Variants in SLC14A2 observed in about 807,000 individuals in gnomAD.
SLC14A2 encodes urea transporter 2.
A neutral mutation model predicts 104.6 loss-of-function variants in SLC14A2; 91 were observed. The ratio of observed to expected loss-of-function variants is 0.87; its 90% confidence interval spans 0.73 to 1.04. The LOEUF is 1.04. SLC14A2 is among the 50% of genes least tolerant of loss of function. SLC14A2 has a pLI of 0.00. For missense variants in SLC14A2, 1,189 were observed against 1,156.0 expected (o/e 1.03, Z -0.41); for synonymous variants, 476 against 466.4 (o/e 1.02, Z -0.27).
intron 1 of SLC14A2, among the ~76,000 whole-genome samples, chr18:45,454,818 G>A (rs1008093889): frequency 6.6e-6 from 1 of 152,158 alleles, no homozygotes; most frequent in African/African-American, 2.4e-5. Flanking sequence ...GGTTATAGAT[G>A]TGTGGCGTTA....
chr18:45,641,110 C>T, intron 7 of SLC14A2, 99 bp from the exon 8 acceptor site: 1 of 1,319,990 alleles, frequency 7.6e-7, no homozygotes, highest in Non-Finnish European at 1.1e-6. Context: ...GTGGGGTGAA[C>T]AACAGCATGG....
At chr18:45,671,104 G>A (rs964650879) in intron 16 of SLC14A2, among the ~76,000 whole-genome samples, 5 of 152,136 alleles carry the variant, frequency 3.3e-5, no homozygotes, top group African/African-American at 1.2e-4. Flanking sequence ...ATATCTTTTG[G>A]AGACAAACTT....
intron 1 of SLC14A2, among the ~76,000 whole-genome samples, chr18:45,351,478 C>T (rs990183101): frequency 1.3e-5 from 2 of 152,150 alleles, no homozygotes; most frequent in African/African-American, 4.8e-5. Flanking sequence ...CCTGAGCCCC[C>T]CAAGTAGCTG....
chr18:45,292,585 C>T (rs1189123501), intron 1 of SLC14A2, among the ~76,000 whole-genome samples: 1 of 152,164 alleles, frequency 6.6e-6, no homozygotes, highest in Admixed American at 6.5e-5. Context: ...GTACCCAGAC[C>T]AGATGAATCT....
intron 2 of SLC14A2, among the ~76,000 whole-genome samples, chr18:45,567,520 GGAAA>G (rs2144326577): frequency 6.6e-6 from 1 of 152,302 alleles, no homozygotes; most frequent in South Asian, 2.1e-4. Context: ...TTAAAAACTG[GGAAA>G]GAGTCAGAGT....
intron 2 of SLC14A2, among the ~76,000 whole-genome samples, chr18:45,580,402 G>A (rs944903762): frequency 3.3e-5 from 5 of 152,330 alleles, no homozygotes; most frequent in Admixed American, 2.0e-4. Context: ...GGCAAGAAAG[G>A]TTAGGAAAGG....
chr18:45,535,907 C>G (rs2043772835), intron 2 of SLC14A2, among the ~76,000 whole-genome samples: 1 of 152,072 alleles, frequency 6.6e-6, no homozygotes, highest in African/African-American at 2.4e-5. Context: ...GTTTCTTGCC[C>G]TAAGGACATT....
the SLC14A2 span, among the ~76,000 whole-genome samples, chr18:45,188,806 T>G: frequency 1.3e-5 from 2 of 152,136 alleles, no homozygotes; most frequent in Non-Finnish European, 2.9e-5. Context: ...AGATTAAGTA[T>G]GAGACAAAAG....
intron 2 of SLC14A2, among the ~76,000 whole-genome samples, chr18:45,540,394 G>A (rs377607005): frequency 6.6e-6 from 1 of 152,096 alleles, no homozygotes; most frequent in Admixed American, 6.5e-5. Flanking sequence ...ACCCTGTTGT[G>A]GGCAGTCACA....
chr18:45,313,161 C>G (rs941129207), intron 1 of SLC14A2, among the ~76,000 whole-genome samples: 2 of 152,156 alleles, frequency 1.3e-5, no homozygotes, highest in Admixed American at 6.5e-5. Context: ...GGCATCCATA[C>G]TGAACAGACT....
At chr18:45,238,415 G>A (rs1269223951) in intron 1 of SLC14A2, among the ~76,000 whole-genome samples, 2 of 152,166 alleles carry the variant, frequency 1.3e-5, no homozygotes, top group Non-Finnish European at 2.9e-5. Flanking sequence ...AAGGTAAGAT[G>A]GCAGCACACT....
At chr18:45,321,774 A>G (rs2085187676) in intron 1 of SLC14A2, among the ~76,000 whole-genome samples, 1 of 152,226 alleles carries the variant, frequency 6.6e-6, no homozygotes, top group African/African-American at 2.4e-5. Context: ...CCGAGCAGTC[A>G]TCCACTATTT....
chr18:45,293,725 A>T (rs1159587539), intron 1 of SLC14A2, among the ~76,000 whole-genome samples: 2 of 152,170 alleles, frequency 1.3e-5, no homozygotes, highest in Non-Finnish European at 2.9e-5. Flanking sequence ...CTTTACGAAG[A>T]GGTTGTATTG....
intron 2 of SLC14A2, chr18:45,528,758 T>G (rs1298351968): frequency 6.6e-6 from 1 of 152,242 alleles, no homozygotes; most frequent in Non-Finnish European, 1.5e-5. Context: ...AAATCTGTGC[T>G]AGATAGCACC....
chr18:45,568,567 A>G (rs1344652283), intron 2 of SLC14A2, among the ~76,000 whole-genome samples: 1 of 152,248 alleles, frequency 6.6e-6, no homozygotes, highest in Non-Finnish European at 1.5e-5. Context: ...TCTGAGCCAC[A>G]GAATTAATTG....
intron 1 of SLC14A2, among the ~76,000 whole-genome samples, chr18:45,437,781 T>A (rs1234572648): frequency 1.3e-5 from 2 of 152,230 alleles, no homozygotes; most frequent in Non-Finnish European, 2.9e-5. Context: ...AAATCACTTG[T>A]TGTTTCCCAT....
At chr18:45,338,329 T>C (rs749656999) in intron 1 of SLC14A2, among the ~76,000 whole-genome samples, 2 of 152,074 alleles carry the variant, frequency 1.3e-5, no homozygotes, top group South Asian at 2.1e-4. Flanking sequence ...GCCTCCCGAT[T>C]AGCTGGGACT....
intron 2 of SLC14A2, among the ~76,000 whole-genome samples, chr18:45,604,767 C>T (rs1247447943): frequency 1.3e-5 from 2 of 152,204 alleles, no homozygotes; most frequent in Admixed American, 6.5e-5. Flanking sequence ...TGAGGGTCAT[C>T]TTTAATGTCA....
At chr18:45,417,774 T>C (rs2086293994) in intron 1 of SLC14A2, among the ~76,000 whole-genome samples, 1 of 152,076 alleles carries the variant, frequency 6.6e-6, no homozygotes, top group Non-Finnish European at 1.5e-5. Context: ...CTGAAGATAA[T>C]TACTTAAAAA....
Sources: allele counts gnomAD v4.1 joint callset (sites outside exome capture counted in the v4.1 genomes callset), GRCh38; gene constraint gnomAD v4.1.1; transcripts MANE v1.5; gene names NCBI Gene and HGNC (gene_info 2026-07-23, HGNC 2026-07-21).